The following EPHA6 variants were observed in gnomAD, a reference collection of about 807,000 sequenced individuals.
EPHA6 encodes the protein ephrin type-A receptor 6.
EPHA6 carries 50 observed loss-of-function variants against 112.0 expected under a neutral mutation model. The observed-to-expected ratio is 0.45, with a 90% CI of 0.36 to 0.56. The LOEUF is 0.56. Ranked by LOEUF, EPHA6 falls within the 20% of genes least tolerant of loss-of-function variation. The probability of loss-of-function intolerance (pLI) is 0.00; values close to 1 mark genes in which losing one functional copy is unlikely to be tolerated. For missense variants in EPHA6, 1,280 were observed against 1,417.4 expected (o/e 0.90, Z 1.56); for synonymous variants, 529 against 490.7 (o/e 1.08, Z -1.03).
chr3:97,202,645 T>G (rs1332733010), intron 3 of EPHA6, among the ~76,000 whole-genome samples: 1 of 152,216 alleles, frequency 6.6e-6, no homozygotes, highest in African/African-American at 2.4e-5. Flanking sequence ...GATATATGTC[T>G]TCTTTAGTGA....
chr3:96,950,764 T>G (rs902084388), intron 2 of EPHA6, among the ~76,000 whole-genome samples: 2 of 152,162 alleles, frequency 1.3e-5, no homozygotes, highest in African/African-American at 4.8e-5. Context: ...TTTGTATTTA[T>G]ATTGCTATAT....
intron 5 of EPHA6, among the ~76,000 whole-genome samples, chr3:97,311,417 C>A (rs952937490): frequency 1.3e-5 from 2 of 149,514 alleles, no homozygotes; most frequent in Non-Finnish European, 3.0e-5. Flanking sequence ...GCACTCTGAA[C>A]CAAATCATCA....
chr3:97,167,065 T>C (rs142907614), intron 3 of EPHA6, among the ~76,000 whole-genome samples: 114 of 152,258 alleles, frequency 7.5e-4, no homozygotes, highest in African/African-American at 2.6e-3. Flanking sequence ...ACCATTCATA[T>C]TCAATAAGAC....
intron 5 of EPHA6, among the ~76,000 whole-genome samples, chr3:97,356,771 C>T (rs553082378): frequency 1.3e-5 from 2 of 151,974 alleles, no homozygotes; most frequent in African/African-American, 4.8e-5. Context: ...ATTTTATATG[C>T]TCCTGTTGTT....
intron 3 of EPHA6, among the ~76,000 whole-genome samples, chr3:97,176,550 T>A (rs79120070): frequency 0.042 from 6,417 of 151,962 alleles, 193 homozygotes; most frequent in Middle Eastern, 0.11. Flanking sequence ...GGAGGCTTAT[T>A]TAATAGCTTT....
intron 5 of EPHA6, among the ~76,000 whole-genome samples, chr3:97,280,576 T>G (rs2080252308): frequency 6.6e-6 from 1 of 152,148 alleles, no homozygotes; most frequent in African/African-American, 2.4e-5. Context: ...GAGGTTGAAC[T>G]GGATTATCTC....
intron 3 of EPHA6, among the ~76,000 whole-genome samples, chr3:97,126,490 A>T (rs958364495): frequency 1.3e-5 from 2 of 152,214 alleles, no homozygotes; most frequent in Non-Finnish European, 2.9e-5. Context: ...ATGACAATAT[A>T]ACTCCACAAA....
intron 2 of EPHA6, among the ~76,000 whole-genome samples, chr3:96,981,937 TTC>T (rs1388948910): frequency 6.6e-6 from 1 of 152,184 alleles, no homozygotes; most frequent in Non-Finnish European, 1.5e-5. Flanking sequence ...TATTTGATTC[TTC>T]TCTCTTTTCT....
At chr3:97,418,143 ATATAAT>A (rs2088287686) in intron 6 of EPHA6, among the ~76,000 whole-genome samples, 1 of 151,496 alleles carries the variant, frequency 6.6e-6, no homozygotes, top group South Asian at 2.1e-4. Flanking sequence ...AAAATTAAAT[ATATAAT>A]TATAAGAAAA....
At chr3:97,328,176 T>G (rs940745341) in intron 5 of EPHA6, among the ~76,000 whole-genome samples, 1 of 151,202 alleles carries the variant, frequency 6.6e-6, no homozygotes, top group Admixed American at 6.6e-5. Flanking sequence ...ATACACAGGT[T>G]TTTGTGTGAA....
chr3:97,254,688 A>G (rs2079251121), intron 5 of EPHA6, among the ~76,000 whole-genome samples: 1 of 152,204 alleles, frequency 6.6e-6, no homozygotes, highest in African/African-American at 2.4e-5. Context: ...CAAGACGCAC[A>G]TATGCCCTTC....
In EPHA6 at chr3:97,425,375, C is replaced by T. The variant is rs151324639; in HGVS notation, c.1731+20101C>T. Among the ~76,000 whole-genome samples the T allele has an allele frequency of 7.9e-3, 1,203 of 152,344 alleles. 19 individuals carry two copies. Among genetic ancestry groups the T allele is most frequent in the African/African-American group, 0.028 (1,150 of 41,578 alleles). On this transcript the variant is annotated intron_variant, in intron 6 of 17. Transcript: ENST00000389672. ...TGAAATATAGGCGGAGGCTCCCAAA[C>T]CTCTGTGCACCTGCAGGCTCAACAC...
chr3:96,873,339 T>C (rs1393669706), intron 2 of EPHA6, among the ~76,000 whole-genome samples: 1 of 152,092 alleles, frequency 6.6e-6, no homozygotes, highest in Non-Finnish European at 1.5e-5. Flanking sequence ...CTTTACCCGC[T>C]GATCTAAGTG....
chr3:97,069,272 T>C (rs1490751210), intron 3 of EPHA6, among the ~76,000 whole-genome samples: 1 of 152,134 alleles, frequency 6.6e-6, no homozygotes, highest in Non-Finnish European at 1.5e-5. Context: ...ATAAGCAAAC[T>C]AAATTTACTA....
intron 14 of EPHA6, among the ~76,000 whole-genome samples, chr3:97,700,662 G>C (rs2033328423): frequency 1.3e-5 from 2 of 152,150 alleles, no homozygotes; most frequent in East Asian, 1.9e-4. Flanking sequence ...ACACCACCTA[G>C]GGTGTGGGAT....
At chr3:97,747,307 A>G in intron 16 of EPHA6, 116 bp from the exon 17 acceptor site, 1 of 891,608 alleles carries the variant, frequency 1.1e-6, no homozygotes, top group Non-Finnish European at 1.6e-6. Context: ...TTTCAAATGG[A>G]GAATAAAAAC....
At position 97,368,980 on chromosome 3, in the gene EPHA6, G is replaced by A. The variant is rs559805222; in HGVS notation, c.1607-36170G>A. On this transcript the variant is annotated intron_variant, in intron 5 of 17. Coordinates refer to ENST00000389672, the MANE Select transcript of EPHA6 (RefSeq NM_001080448.3). ...TTGTATGCAAAGGTTAAAGAAAAAA[G>A]ATCTGATATCTAAGTTTATTTCTGA... 3.5e-4 allele frequency among the ~76,000 whole-genome samples: 53 copies of A among 152,230 alleles called. No homozygotes were observed. In the South Asian group the frequency reaches 0.01, roughly 29 times the overall value.
chr3:97,332,801 A>G (rs1315637597), intron 5 of EPHA6, among the ~76,000 whole-genome samples: 1 of 151,442 alleles, frequency 6.6e-6, no homozygotes, highest in Admixed American at 6.6e-5. Context: ...TGGATTCTCT[A>G]TTCTGTTTCA....
chr3:96,937,068 A>C (rs900988729), intron 2 of EPHA6, among the ~76,000 whole-genome samples: 2 of 152,194 alleles, frequency 1.3e-5, no homozygotes, highest in African/African-American at 4.8e-5. Context: ...CACAATAAAC[A>C]TACGTGTGCA....
Sources: allele counts gnomAD v4.1 joint callset (sites outside exome capture counted in the v4.1 genomes callset), GRCh38; gene constraint gnomAD v4.1.1; transcripts MANE v1.5; gene names NCBI Gene and HGNC (gene_info 2026-07-23, HGNC 2026-07-21).